SARAF: variants seen among roughly 807,000 people sequenced by gnomAD.
The protein encoded by SARAF is store-operated calcium entry-associated regulatory factor.
A neutral mutation model predicts 39.7 loss-of-function variants in SARAF; 23 were observed. That is an observed-to-expected ratio of 0.58 (90% CI 0.42 to 0.82). The LOEUF is 0.82. Ranked by LOEUF, SARAF falls within the 40% of genes least tolerant of loss-of-function variation. The pLI is 0.00. For missense variants in SARAF, 384 were observed against 418.5 expected, an observed-to-expected ratio of 0.92 and a Z score of 0.72; for synonymous variants, 175 against 168.5, an observed-to-expected ratio of 1.04 and a Z score of -0.30.
chr8:30,078,171 C>A (rs1246695329), intron 1 of SARAF: 63 of 262,542 alleles, frequency 2.4e-4, no homozygotes, highest in East Asian at 4.8e-4. Context: ...AGAAAAAAGA[C>A]AGTAGGAGGA....
At chr8:30,066,970 CA>C in intron 3 of SARAF, 52 bp from the exon 4 acceptor site, 2 of 1,530,812 alleles carry the variant, frequency 1.3e-6, no homozygotes, top group Non-Finnish European at 9.0e-7. Context: ...TGACAGTCTA[CA>C]AAAGCAAAGA....
chr8:30,069,529 G>A (rs1363624536), intron 3 of SARAF, 113 bp downstream of exon 3: 6 of 1,108,154 alleles, frequency 5.4e-6, no homozygotes, highest in Non-Finnish European at 7.8e-6. Flanking sequence ...AACAAAATGA[G>A]AAGACAAACC....
chr8:30,066,686 A>T, intron 4 of SARAF, 91 bp downstream of exon 4: 1 of 1,525,784 alleles, frequency 6.6e-7, no homozygotes, highest in Non-Finnish European at 9.0e-7. Context: ...ACCACAATTT[A>T]TTTTCCTTAG....
chr8:30,069,499 A>T, intron 3 of SARAF, 143 bp downstream of exon 3: 2 of 861,450 alleles, frequency 2.3e-6, no homozygotes, highest in Non-Finnish European at 1.8e-6. Flanking sequence ...CAGAAGAGGT[A>T]AAAGAAGTTG....
chr8:30,069,461 C>G (rs1194833422), intron 3 of SARAF, among the ~76,000 whole-genome samples, 181 bp downstream of exon 3: 1 of 151,824 alleles, frequency 6.6e-6, no homozygotes, highest in East Asian at 1.9e-4. Context: ...AACATAGCAA[C>G]CACAATATAC....
Position 30,069,632 on chromosome 8 carries a change from G to A in SARAF, c.700+10C>T, listed in dbSNP as rs1414499617. On this transcript the variant is annotated intron_variant, in intron 3 of 5. Coordinates refer to ENST00000256255, the MANE Select transcript of SARAF (RefSeq NM_016127.6). Reference sequence around the variant, plus strand: ...CCGCTCTATTTATGGCCACTGCGAGGGAAACATACCTGTGAACTCAGACTT... The same window carrying A: ...CCGCTCTATTTATGGCCACTGCGAGAGAAACATACCTGTGAACTCAGACTT... The A allele has an allele frequency of 6.5e-7, 1 of 1,545,378 alleles. No individual in the cohort carries two copies. The highest frequency in any genetic ancestry group is 8.9e-7 in the Non-Finnish European group (1 of 1,129,412).
At chr8:30,065,721 C>T in intron 5 of SARAF, 1 of 407,286 alleles carries the variant, frequency 2.5e-6, no homozygotes, top group Non-Finnish European at 4.6e-6. Context: ...CTCTAGAGAT[C>T]ACAGAATTAA....
intron 1 of SARAF, among the ~76,000 whole-genome samples, chr8:30,076,782 C>T (rs1801976733): frequency 1.3e-5 from 2 of 152,206 alleles, no homozygotes; most frequent in South Asian, 4.1e-4. Flanking sequence ...TCCCTTCTGC[C>T]TTCCACCATG....
intron 1 of SARAF, 114 bp downstream of exon 1, chr8:30,082,733 A>C: frequency 1.3e-6 from 1 of 754,126 alleles, no homozygotes; most frequent in South Asian, 2.0e-5. Context: ...GACATGGGGA[A>C]TCCGGGCACC....
Position 30,063,600 on chromosome 8 carries a change from A to G in SARAF, c.*288T>C. ...CATTCTTAATGCTTCTTAGGGCATC[A>G]CAGGTTTTAGAAATTAATGTATTTT... On this transcript the variant is annotated 3_prime_UTR_variant, in exon 6 of 6. Transcript: ENST00000256255. 2.2e-6 allele frequency: 1 copy of G among 454,678 alleles called. No homozygotes were observed. The highest frequency in any genetic ancestry group is 3.9e-6 in the Non-Finnish European group (1 of 254,944). The allele number at this position is 454,678 out of a possible 1,614,324, so 28.2% of individuals were successfully genotyped here.
intron 5 of SARAF, among the ~76,000 whole-genome samples, chr8:30,064,419 T>A (rs1801624638): frequency 2.6e-5 from 4 of 151,632 alleles, no homozygotes; most frequent in Admixed American, 2.6e-4. Flanking sequence ...ATTATTTGGT[T>A]TTTATGATTT....
At chr8:30,083,105 A>G (rs968876638), upstream of SARAF, 3 of 546,490 alleles carry the variant, frequency 5.5e-6, no homozygotes, top group Non-Finnish European at 9.4e-6. Flanking sequence ...TCCGTGCGCC[A>G]ACCCTACGTC....
chr8:30,068,940 C>G (rs1335988644), intron 3 of SARAF, among the ~76,000 whole-genome samples: 1 of 151,774 alleles, frequency 6.6e-6, no homozygotes, highest in Non-Finnish European at 1.5e-5. Context: ...GAAATCTTTC[C>G]CTATCCTAAG....
chr8:30,069,008 C>T (rs1311018749), intron 3 of SARAF, among the ~76,000 whole-genome samples: 5 of 151,790 alleles, frequency 3.3e-5, no homozygotes, highest in African/African-American at 7.3e-5. Context: ...TTACCTTTTA[C>T]GTTGAGATTT....
At chr8:30,063,937 AC>A (rs1290699624) in intron 5 of SARAF, 24 bp from the exon 6 acceptor site, 8 of 1,524,250 alleles carry the variant, frequency 5.2e-6, no homozygotes, top group Non-Finnish European at 5.4e-6. Flanking sequence ...GGTAAAATTT[AC>A]ATTAGTTTTT....
At chr8:30,069,591 T>G (rs367931899) in intron 3 of SARAF, 51 bp downstream of exon 3, 1 of 1,535,562 alleles carries the variant, frequency 6.5e-7, no homozygotes, top group Non-Finnish European at 8.8e-7. Flanking sequence ...AAGCACAGGA[T>G]GCACTAACCT....
chr8:30,082,929 C>A lies in SARAF; in HGVS notation c.21G>T (p.Pro7=). MAAACG[P]GAAGYCLLLG... is the part of the protein sequence containing the mutation. ...GGAGCAAGCAGTACCCGGCCGCTCCCGGCCCGCAGGCTGCGGCCATGGCGC... is the reference window on the plus strand; with the variant it reads ...GGAGCAAGCAGTACCCGGCCGCTCCAGGCCCGCAGGCTGCGGCCATGGCGC... The change falls in exon 1 of 6, where the codon CCG becomes CCT. Residue 7 remains proline (P), a synonymous_variant. Coordinates refer to ENST00000256255, the MANE Select transcript of SARAF (RefSeq NM_016127.6). The A allele has an allele frequency of 6.5e-7, 1 of 1,548,176 alleles. No individual in the cohort carries two copies. The highest frequency in any genetic ancestry group is 2.5e-5 in the East Asian group (1 of 40,298).
rs770492842 is a variant in SARAF, at chr8:30,066,764, G to A, written c.842+13C>T. 1 of 1,613,870 alleles carries A rather than the reference G, an allele frequency of 6.2e-7. No individual in the cohort carries two copies. Among genetic ancestry groups the A allele is most frequent in the South Asian group, 1.1e-5 (1 of 91,024 alleles). ...GAATTAAAGAGCAAGTGAGATCAAT[G>A]CAAAAAGCTTACCTATTGCTGCCAA... On this transcript the variant is annotated intron_variant, in intron 4 of 5. Coordinates refer to ENST00000256255, the MANE Select transcript of SARAF (RefSeq NM_016127.6).
At chr8:30,066,489 C>T (rs977773586) in intron 4 of SARAF, among the ~76,000 whole-genome samples, 2 of 152,198 alleles carry the variant, frequency 1.3e-5, no homozygotes, top group South Asian at 4.1e-4. Flanking sequence ...TCCCCAAATG[C>T]TGTCTTCTTT....
Sources: gnomAD v4.1 joint callset for allele counts (sites outside exome capture counted in the v4.1 genomes callset) on GRCh38, gnomAD v4.1.1 for gene constraint, MANE v1.5 for transcripts, NCBI Gene and HGNC (gene_info 2026-07-23, HGNC 2026-07-21) for gene names.